Variants in CEP290 observed in about 807,000 individuals in gnomAD.
The protein encoded by CEP290 is centrosomal protein 290.
In CEP290, 317 loss-of-function variants were observed where a neutral mutation model predicts 344.9. The observed-to-expected ratio is 0.92, with a 90% CI of 0.84 to 1.01. The LOEUF is 1.01. Ranked by LOEUF, CEP290 falls within the 50% of genes least tolerant of loss-of-function variation. The pLI, the probability that CEP290 is intolerant of heterozygous loss-of-function variation, is 0.00. For missense variants in CEP290, 2,754 were observed against 2,761.4 expected (o/e 1.00, Z 0.06); for synonymous variants, 932 against 895.8 (o/e 1.04, Z -0.72).
intron 5 of CEP290, among the ~76,000 whole-genome samples, chr12:88,138,895 T>G (rs934360691): frequency 6.0e-5 from 9 of 149,830 alleles, no homozygotes; most frequent in African/African-American, 2.2e-4. Context: ...ACTAGTAATC[T>G]TTCTGTATAT....
In CEP290 at chr12:88,115,347, C is replaced by T. The variant is rs115517765; in HGVS notation, c.1825-165G>A. On this transcript the variant is annotated intron_variant, in intron 18 of 53. Coordinates refer to ENST00000552810, the MANE Select transcript of CEP290 (RefSeq NM_025114.4). Reference sequence around the variant, plus strand: ...TCATAAAAATAAACTAAAATCTAAACAGTAAAGCAGATGGTGATCTTAATC... The same window carrying T: ...TCATAAAAATAAACTAAAATCTAAATAGTAAAGCAGATGGTGATCTTAATC... The T allele has an allele frequency of 1.2e-3, 827 of 677,822 alleles. 4 individuals are homozygous for T. The African/African-American group carries it at 0.014, about 11-fold the overall frequency. 42.0% of individuals were successfully genotyped at this position (677,822 alleles called of 1,614,324 possible).
At chr12:88,051,256 T>C (rs911868935) in intron 52 of CEP290, among the ~76,000 whole-genome samples, 1 of 145,430 alleles carries the variant, frequency 6.9e-6, no homozygotes, top group Non-Finnish European at 1.5e-5. Flanking sequence ...AGTGCAGTGG[T>C]GCAATCTTGG....
At chr12:88,050,043 CT>C (rs2033340348) in intron 53 of CEP290, 3 of 215,098 alleles carry the variant, frequency 1.4e-5, no homozygotes, top group Non-Finnish European at 2.7e-5. Context: ...CTTAGGATTC[CT>C]GAAAAGAATT....
intron 38 of CEP290, among the ~76,000 whole-genome samples, chr12:88,079,920 T>C (rs2036067137): frequency 6.6e-6 from 1 of 152,144 alleles, no homozygotes; most frequent in African/African-American, 2.4e-5. Context: ...ATTTTTGTAA[T>C]GTACATTAAG....
intron 13 of CEP290, among the ~76,000 whole-genome samples, chr12:88,121,367 T>G (rs2137925185): frequency 6.6e-6 from 1 of 152,330 alleles, no homozygotes; most frequent in South Asian, 2.1e-4. Context: ...TAAAACCTTC[T>G]TAGCTGAAGG....
chr12:88,142,041 G>T lies in CEP290; in HGVS notation c.-169C>A, dbSNP rs910818673. 4 of 152,610 alleles carry T rather than the reference G, an allele frequency of 2.6e-5. No homozygotes were observed. Among genetic ancestry groups the T allele is most frequent in the Non-Finnish European group, 5.9e-5 (4 of 68,270 alleles). The allele number at this position is 152,610 out of a possible 1,614,324, so 9.5% of individuals were successfully genotyped here. ...AAATGGTCCCGAGCAAGCCAAAGCG[G>T]CAGCGGCTGCTAGGCGACACCATCC... On this transcript the variant is annotated 5_prime_UTR_variant, in exon 1 of 54. The change creates a premature stop within an existing upstream ORF in the 5' untranslated region. Coordinates refer to ENST00000552810, the MANE Select transcript of CEP290 (RefSeq NM_025114.4).
intron 5 of CEP290, among the ~76,000 whole-genome samples, chr12:88,138,671 C>A (rs1383338619): frequency 1.3e-5 from 2 of 152,326 alleles, no homozygotes; most frequent in African/African-American, 4.8e-5. Context: ...CCACGCTCAT[C>A]CACTCATCCT....
chr12:88,097,706 C>T (rs2037544378), intron 26 of CEP290, among the ~76,000 whole-genome samples: 1 of 151,886 alleles, frequency 6.6e-6, no homozygotes, highest in Non-Finnish European at 1.5e-5. Flanking sequence ...TATACGGCCT[C>T]AATTTCTGAG....
chr12:88,111,742 C>G lies in CEP290; in HGVS notation c.2169G>C (p.Arg723=). 1 of 1,602,752 alleles carries G rather than the reference C, an allele frequency of 6.2e-7. No homozygotes were observed. Among genetic ancestry groups the G allele is most frequent in the Non-Finnish European group, 8.5e-7 (1 of 1,175,830 alleles). Residue 723 remains arginine, a synonymous_variant, in exon 21 of 54, where the codon CGG becomes CGC. Coordinates refer to ENST00000552810, the MANE Select transcript of CEP290 (RefSeq NM_025114.4). ...EELRQELRES[R]KEAINYSQQL... ...GCTGTGAATAATTTATAGCCTCTTT[C>G]CGAGATTCCCTGAGCTCCTGTCTTA... is the stretch of plus-strand genomic sequence containing the variant.
At chr12:88,129,113 A>G (rs2039908531) in intron 10 of CEP290, 78 bp from the exon 11 acceptor site, 1 of 663,536 alleles carries the variant, frequency 1.5e-6, no homozygotes, top group Admixed American at 4.0e-5. Context: ...TTACATATAC[A>G]TTATATATAT....
chr12:88,127,216 G>A (rs981191805), intron 11 of CEP290, among the ~76,000 whole-genome samples: 7 of 147,644 alleles, frequency 4.7e-5, no homozygotes, highest in Non-Finnish European at 9.0e-5. Flanking sequence ...AAAAGGCCAG[G>A]CAGAGTCACA....
At chr12:88,106,975 T>G in intron 24 of CEP290, 21 bp downstream of exon 24, 1 of 1,532,432 alleles carries the variant, frequency 6.5e-7, no homozygotes, top group South Asian at 1.2e-5. Flanking sequence ...TGCATACTAA[T>G]GTTAAAAATG....
intron 46 of CEP290, among the ~76,000 whole-genome samples, chr12:88,061,430 G>A (rs960339535): frequency 2.6e-5 from 4 of 152,086 alleles, no homozygotes; most frequent in African/African-American, 9.7e-5. Flanking sequence ...TCTAAGAAAT[G>A]CTATTGCTTA....
chr12:88,106,947 T>TC, intron 24 of CEP290, 42 bp from the exon 25 acceptor site: 1 of 1,558,348 alleles, frequency 6.4e-7, no homozygotes, highest in Non-Finnish European at 8.7e-7. Context: ...AATCTAGCTA[T>TC]CCTACTTTGT....
intron 49 of CEP290, chr12:88,058,090 A>T (rs564681873): frequency 6.6e-6 from 1 of 152,352 alleles, no homozygotes; most frequent in African/African-American, 2.4e-5. Context: ...AATGACTTCC[A>T]GACTCCTTGA....
chr12:88,091,686 G>T (rs1026874103), intron 29 of CEP290, among the ~76,000 whole-genome samples: 1 of 151,940 alleles, frequency 6.6e-6, no homozygotes. Context: ...TAAAAAAAAG[G>T]GTCTTTCATA....
chr12:88,058,922 C>T lies in CEP290; in HGVS notation c.6744G>A (p.Leu2248=), dbSNP rs2136705270. The change falls in exon 49 of 54, where the codon TTG becomes TTA. Residue 2248 remains leucine, a synonymous_variant. Transcript: ENST00000552810. Reference sequence around the variant, plus strand: ...GTGGACCTCTGCTTTCTGCAAACTGCAATCTCTTACCAGTCTCTTCTAGTT... The same window carrying T: ...GTGGACCTCTGCTTTCTGCAAACTGTAATCTCTTACCAGTCTCTTCTAGTT... The part of the protein sequence containing the change: ...TVQLEETGKR[L]QFAESRGPQL... 1 of 1,613,910 alleles carries T rather than the reference C, an allele frequency of 6.2e-7. No individual in the cohort carries two copies. Among genetic ancestry groups the T allele is most frequent in the Non-Finnish European group, 8.5e-7 (1 of 1,179,858 alleles).
At chr12:88,070,501 T>C (rs2035289410) in intron 43 of CEP290, among the ~76,000 whole-genome samples, 1 of 152,128 alleles carries the variant, frequency 6.6e-6, no homozygotes, top group Admixed American at 6.6e-5. Flanking sequence ...ATCTGTTCTT[T>C]CATGCCCCAA....
chr12:88,118,605 T>C (rs752854224), intron 16 of CEP290, 35 bp from the exon 17 acceptor site: 1 of 1,610,840 alleles, frequency 6.2e-7, no homozygotes, highest in Non-Finnish European at 8.5e-7. Flanking sequence ...TTCTCTATAG[T>C]TCAGCCAAGA....
Sources: gnomAD v4.1 joint callset for allele counts (sites outside exome capture counted in the v4.1 genomes callset) on GRCh38, gnomAD v4.1.1 for gene constraint, MANE v1.5 for transcripts, NCBI Gene and HGNC (gene_info 2026-07-23, HGNC 2026-07-21) for gene names.